Variants in TBXAS1 observed in about 807,000 individuals in gnomAD.
The protein encoded by TBXAS1 is thromboxane-A synthase.
A neutral mutation model predicts 60.7 loss-of-function variants in TBXAS1; 48 were observed. The observed-to-expected ratio is 0.79, with a 90% CI of 0.63 to 1.01. The LOEUF is 1.01. Among genes scored for constraint, TBXAS1 ranks in the 50% least tolerant of loss-of-function variants. The pLI, the probability that TBXAS1 is intolerant of heterozygous loss-of-function variation, is 0.00. For missense variants in TBXAS1, 685 were observed against 686.3 expected (o/e 1.00, Z 0.02); for synonymous variants, 287 against 269.7 (o/e 1.06, Z -0.63).
chr7:139,884,724 G>A (rs1235639098), intron 3 of TBXAS1, among the ~76,000 whole-genome samples: 1 of 152,218 alleles, frequency 6.6e-6, no homozygotes, highest in Non-Finnish European at 1.5e-5. Flanking sequence ...GTAAAGCAGC[G>A]ATGAGGAGGC....
rs1569522744 is a variant in TBXAS1 at position 139,986,749 on chromosome 7, ATATATATGTGTG to A, written c.1135-20340_1135-20329del. Among the ~76,000 whole-genome samples the A allele has an allele frequency of 4.7e-5, 2 of 42,160 alleles. 1 individual carries two copies. The highest frequency in any genetic ancestry group is 1.7e-4 in the African/African-American group (2 of 11,894). The allele number at this position is 42,160 out of a possible 152,430, so 27.7% of individuals were successfully genotyped here. A position where few individuals can be genotyped will look rare whatever the true frequency, so the allele number is the denominator to read the frequency against. On this transcript the variant is annotated intron_variant, in intron 9 of 12. Coordinates refer to ENST00000448866, the MANE Select transcript of TBXAS1 (RefSeq NM_001061.7). ...TATATATATATATATACATACATAT[ATATATATGTGTG>A]TGTGTGTGTGTGTGTGTGTGTGTGT...
Position 139,911,304 on chromosome 7 carries a change from A to G in TBXAS1, c.316A>G (p.Asn106Asp), listed in dbSNP as rs771726219. 2.5e-6 allele frequency: 4 copies of G among 1,614,054 alleles called. No individual in the cohort carries two copies. The highest frequency in any genetic ancestry group is 1.1e-5 in the South Asian group (1 of 91,082). Reference sequence around the variant, plus strand: ...GCAGGTGTTGGTTGAGAACTTCAGTAACTTTACCAACAGAATGGTACGTAG... The same window carrying G: ...GCAGGTGTTGGTTGAGAACTTCAGTGACTTTACCAACAGAATGGTACGTAG... ...IKQVLVENFS[N>D]FTNRMASGLE... The change falls in exon 4 of 13, where the codon AAC (asparagine) becomes GAC (aspartate). Residue 106 changes from asparagine (N) to aspartate (D), a missense_variant. Transcript: ENST00000448866.
Position 139,978,509 on chromosome 7 carries a change from CA to C in TBXAS1, c.1134+16287del, listed in dbSNP as rs550052038. The stretch of plus-strand genomic sequence containing the variant: ...TGGGTGACAGAGTGAGACTCTGTCT[CA>C]AAAAAAAAAAGAAAGAAAAAAGAAA... On this transcript the variant is annotated intron_variant, in intron 9 of 12. Transcript: ENST00000448866. 4.2e-3 allele frequency among the ~76,000 whole-genome samples: 496 copies of C among 117,160 alleles called. 3 individuals carry two copies. Among genetic ancestry groups the C allele is most frequent in the Middle Eastern group, 0.014 (3 of 214 alleles). 76.9% of individuals were successfully genotyped at this position (117,160 alleles called of 152,430 possible).
chr7:139,895,570 G>A (rs1804023318), intron 3 of TBXAS1, among the ~76,000 whole-genome samples: 1 of 152,260 alleles, frequency 6.6e-6, no homozygotes, highest in South Asian at 2.1e-4. Context: ...CTCAGCAGCT[G>A]AGGCTGGCCC....
At chr7:139,929,448 C>T (rs1396431690) in intron 4 of TBXAS1, among the ~76,000 whole-genome samples, 3 of 152,020 alleles carry the variant, frequency 2.0e-5, no homozygotes, top group African/African-American at 7.3e-5. Flanking sequence ...ATGGCTATGA[C>T]AGAGCATGTA....
chr7:139,875,737 A>T, intron 3 of TBXAS1, 100 bp downstream of exon 3: 1 of 1,423,710 alleles, frequency 7.0e-7, no homozygotes, highest in Non-Finnish European at 9.9e-7. Context: ...AAATGCCAAG[A>T]TTAGGAATGT....
chr7:139,855,171 T>G (rs1800495438), intron 1 of TBXAS1, among the ~76,000 whole-genome samples: 1 of 152,182 alleles, frequency 6.6e-6, no homozygotes, highest in Non-Finnish European at 1.5e-5. Flanking sequence ...TCCTTAACCT[T>G]GGACTTCTCA....
intron 9 of TBXAS1, among the ~76,000 whole-genome samples, chr7:139,977,349 T>C (rs1811639248): frequency 6.6e-6 from 1 of 152,072 alleles, no homozygotes; most frequent in Admixed American, 6.6e-5. Flanking sequence ...CAGGGAAACT[T>C]CCTTTTTTAA....
chr7:139,797,859 C>T (rs1797612715), intron 4 of TBXAS1, among the ~76,000 whole-genome samples: 1 of 152,214 alleles, frequency 6.6e-6, no homozygotes, highest in African/African-American at 2.4e-5. Flanking sequence ...GATCTGGCCA[C>T]AGCATTCATT....
chr7:139,902,417 T>C (rs1177769525), intron 3 of TBXAS1, among the ~76,000 whole-genome samples: 2 of 152,174 alleles, frequency 1.3e-5, no homozygotes, highest in Non-Finnish European at 2.9e-5. Context: ...TTGAGATTCA[T>C]CCAAATTTGT....
intron 4 of TBXAS1, among the ~76,000 whole-genome samples, chr7:139,815,393 G>A (rs919967847): frequency 1.3e-5 from 2 of 152,232 alleles, no homozygotes; most frequent in Admixed American, 6.5e-5. Flanking sequence ...TCAATTCCAT[G>A]AAGAGGTTCC....
At chr7:140,016,125 G>A (rs760837539) in intron 11 of TBXAS1, among the ~76,000 whole-genome samples, 15 of 152,016 alleles carry the variant, frequency 9.9e-5, no homozygotes, top group South Asian at 2.1e-4. Context: ...TCAGGAGATC[G>A]AGACCATCCT....
chr7:139,852,994 G>A lies in TBXAS1; in HGVS notation c.90-19241G>A, dbSNP rs145475254. ...CACACACACACACACACACACAGTT[G>A]GCCAAAGAAGCAACCTGTCTGCTCT... On this transcript the variant is annotated intron_variant, in intron 1 of 12. Coordinates refer to ENST00000448866, the MANE Select transcript of TBXAS1 (RefSeq NM_001061.7). This position sits in a 1 kb window ranked among gnomAD's most constrained non-coding sequence, Gnocchi z 4.4. Among the ~76,000 whole-genome samples the A allele has an allele frequency of 1.2e-3, 169 of 141,768 alleles. 1 individual carries two copies. Among genetic ancestry groups the A allele is most frequent in the African/African-American group, 4.2e-3 (161 of 37,992 alleles). The allele number at this position is 141,768 out of a possible 152,430, so 93.0% of individuals were successfully genotyped here. A position where few individuals can be genotyped will look rare whatever the true frequency, so the allele number is the denominator to read the frequency against.
At chr7:139,859,243 C>A (rs1250665653) in intron 1 of TBXAS1, among the ~76,000 whole-genome samples, 1 of 145,082 alleles carries the variant, frequency 6.9e-6, no homozygotes, top group Non-Finnish European at 1.5e-5. Context: ...ACTCTGTCAC[C>A]CCAGGCTGGC....
intron 4 of TBXAS1, among the ~76,000 whole-genome samples, chr7:139,808,406 A>T (rs1480043310): frequency 6.6e-6 from 1 of 152,136 alleles, no homozygotes; most frequent in Non-Finnish European, 1.5e-5. Flanking sequence ...TTAGGGAGTG[A>T]TATATTTTTA....
chr7:139,949,035 C>G (rs1808984063), intron 5 of TBXAS1, among the ~76,000 whole-genome samples: 1 of 152,214 alleles, frequency 6.6e-6, no homozygotes, highest in Admixed American at 6.5e-5. Context: ...TTCAGTTCGA[C>G]AGACAGCAAG....
chr7:139,809,570 C>T (rs1335357846), intron 4 of TBXAS1, among the ~76,000 whole-genome samples: 7 of 152,146 alleles, frequency 4.6e-5, no homozygotes, highest in South Asian at 2.1e-4. Context: ...CTAAAGGCCT[C>T]GGAACCTCAG....
chr7:139,879,393 T>C (rs114720559), intron 3 of TBXAS1, among the ~76,000 whole-genome samples: 2,324 of 152,286 alleles, frequency 0.015, 34 homozygotes, highest in African/African-American at 0.033. Context: ...TAAAAAACTC[T>C]CCTGAATTGC....
chr7:139,793,441 A>G (rs752925583), intron 4 of TBXAS1, among the ~76,000 whole-genome samples: 24 of 152,024 alleles, frequency 1.6e-4, no homozygotes, highest in Non-Finnish European at 3.1e-4. Context: ...TTTATTGAAC[A>G]CCTACTCTGT....
Sources: allele counts gnomAD v4.1 joint callset (sites outside exome capture counted in the v4.1 genomes callset), GRCh38; gene constraint gnomAD v4.1.1; non-coding constraint Gnocchi (gnomAD v3.1); transcripts MANE v1.5; gene names NCBI Gene and HGNC (gene_info 2026-07-23, HGNC 2026-07-21).